TSPAN9: variants seen among roughly 807,000 people sequenced by gnomAD.
TSPAN9 encodes tetraspanin 9, also known as tetraspanin-9.
Under a neutral mutation model 31.0 loss-of-function variants are expected in TSPAN9, and 16 were observed. The ratio of observed to expected loss-of-function variants is 0.52; its 90% CI spans 0.35 to 0.78. TSPAN9 has a LOEUF of 0.78. TSPAN9 is among the 30% of genes least tolerant of loss of function. TSPAN9 has a pLI of 0.01. For missense variants in TSPAN9, 272 were observed against 312.5 expected, an observed-to-expected ratio of 0.87 and a Z score of 0.98; for synonymous variants, 145 against 121.6, an observed-to-expected ratio of 1.19 and a Z score of -1.27.
At chr12:3,239,682 A>T (rs2098395577) in intron 3 of TSPAN9, among the ~76,000 whole-genome samples, 1 of 152,170 alleles carries the variant, frequency 6.6e-6, no homozygotes, top group African/African-American at 2.4e-5. Context: ...GTCAGCACAG[A>T]CAGTGGCATT....
intron 2 of TSPAN9, among the ~76,000 whole-genome samples, chr12:3,180,226 A>G (rs1221560260): frequency 1.3e-5 from 2 of 152,078 alleles, no homozygotes; most frequent in Non-Finnish European, 2.9e-5. Context: ...TTTAAAAAAT[A>G]CTCTTCTGGG....
chr12:3,119,644 C>T (rs955820221), intron 2 of TSPAN9, among the ~76,000 whole-genome samples: 5 of 152,190 alleles, frequency 3.3e-5, no homozygotes, highest in African/African-American at 4.8e-5. Flanking sequence ...AATGCACCCC[C>T]GCTCCTCTCC....
intron 3 of TSPAN9, among the ~76,000 whole-genome samples, chr12:3,209,955 TC>T (rs1347840631): frequency 3.1e-5 from 2 of 64,642 alleles, no homozygotes; most frequent in East Asian, 4.3e-4. Flanking sequence ...TGAGACTCTG[TC>T]CCAAAAAAAA....
chr12:3,157,814 G>C (rs897823441), intron 2 of TSPAN9, among the ~76,000 whole-genome samples: 2 of 152,158 alleles, frequency 1.3e-5, no homozygotes, highest in Admixed American at 6.5e-5. Flanking sequence ...AGGCACCACC[G>C]CTGTCCAGGA....
chr12:3,222,567 G>C (rs561230194), intron 3 of TSPAN9, among the ~76,000 whole-genome samples: 2 of 152,178 alleles, frequency 1.3e-5, no homozygotes, highest in African/African-American at 4.8e-5. Flanking sequence ...AAACCCGGCT[G>C]CCTCTCTGGA....
intron 3 of TSPAN9, among the ~76,000 whole-genome samples, chr12:3,214,491 TG>T (rs2098380333): frequency 6.6e-6 from 1 of 152,072 alleles, no homozygotes; most frequent in Non-Finnish European, 1.5e-5. Flanking sequence ...GGTTCCAGGG[TG>T]GACGAACTCC....
At chr12:3,248,136 T>G (rs1056376806) in intron 3 of TSPAN9, among the ~76,000 whole-genome samples, 2 of 152,204 alleles carry the variant, frequency 1.3e-5, no homozygotes, top group Non-Finnish European at 2.9e-5. Context: ...CCTGGCAATG[T>G]CTGTCCCCTG....
At chr12:3,255,385 A>G (rs1276658643) in intron 3 of TSPAN9, among the ~76,000 whole-genome samples, 2 of 152,208 alleles carry the variant, frequency 1.3e-5, no homozygotes, top group African/African-American at 4.8e-5. Flanking sequence ...GCCCACGGCC[A>G]CATCACGTAA....
In TSPAN9 at chr12:3,248,481, T is replaced by C. The variant is rs141610261; in HGVS notation, c.64-29940T>C. Among the ~76,000 whole-genome samples, 292 of 152,290 alleles carry C rather than the reference T, an allele frequency of 1.9e-3. 2 individuals carry two copies. Among genetic ancestry groups the C allele is most frequent in the African/African-American group, 6.9e-3 (286 of 41,546 alleles). On this transcript the variant is annotated intron_variant, in intron 3 of 8. Coordinates refer to ENST00000011898, the MANE Select transcript of TSPAN9 (RefSeq NM_006675.5). ...ACTCCTGATCTCCTGCCCTCTCTTGTTCTTCTCTCTTTCCTTGACAAACCT... is the reference window on the plus strand; with the variant it reads ...ACTCCTGATCTCCTGCCCTCTCTTGCTCTTCTCTCTTTCCTTGACAAACCT...
At chr12:3,198,223 G>C (rs1425221149) in intron 2 of TSPAN9, among the ~76,000 whole-genome samples, 48 of 69,408 alleles carry the variant, frequency 6.9e-4, no homozygotes, top group African/African-American at 3.0e-3. Context: ...ACCAGCACAG[G>C]TCACCACCAG....
chr12:3,144,663 C>T (rs906557315), intron 2 of TSPAN9, among the ~76,000 whole-genome samples: 3 of 152,266 alleles, frequency 2.0e-5, no homozygotes, highest in Middle Eastern at 3.4e-3. Context: ...GCAGTGGCTC[C>T]GGGAATCACA....
At chr12:3,133,543 A>G (rs2098330766) in intron 2 of TSPAN9, among the ~76,000 whole-genome samples, 1 of 152,166 alleles carries the variant, frequency 6.6e-6, no homozygotes, top group Non-Finnish European at 1.5e-5. Flanking sequence ...CTTTCATTCC[A>G]ATGCAGTCAT....
In TSPAN9 at chr12:3,170,121, A is replaced by G. The variant is rs2098350931; in HGVS notation, c.-17-31056A>G. On this transcript the variant is annotated intron_variant, in intron 2 of 8. Coordinates refer to ENST00000011898, the MANE Select transcript of TSPAN9 (RefSeq NM_006675.5). This position sits in a 1 kb window ranked among gnomAD's most constrained non-coding sequence, Gnocchi z 4.4. ...ACGTCCTTCATCTGGGAATAATAAT[A>G]CCTGTCTCACTGGGTTGCTGTGAGG... Among the ~76,000 whole-genome samples the G allele has an allele frequency of 6.6e-6, 1 of 152,122 alleles. No individual in the cohort carries two copies.
At chr12:3,159,173 C>T (rs772059591) in intron 2 of TSPAN9, among the ~76,000 whole-genome samples, 14 of 151,462 alleles carry the variant, frequency 9.2e-5, no homozygotes, top group Non-Finnish European at 1.5e-5. Flanking sequence ...TTCTGAGCCT[C>T]GGAGGCTACG....
chr12:3,118,261 T>TTTTTTTTTTTTTG lies in TSPAN9; in HGVS notation c.-18+34554_-18+34555insGTTTTTTTTTTTT, dbSNP rs1565582029. On this transcript the variant is annotated intron_variant, in intron 2 of 8. Transcript: ENST00000011898. Reference sequence around the variant, plus strand: ...GCACCGCCCCTGCACCCGCCGTTTTTTTTTTTTTTTTTTTTTTTTGAGATG... The same window carrying TTTTTTTTTTTTTG: ...GCACCGCCCCTGCACCCGCCGTTTTTTTTTTTTTTTTTGTTTTTTTTTTTTTTTTTTTGAGATG... 1.3e-4 allele frequency among the ~76,000 whole-genome samples: 7 copies of TTTTTTTTTTTTTG among 54,118 alleles called. 2 individuals carry two copies. Among genetic ancestry groups the TTTTTTTTTTTTTG allele is most frequent in the East Asian group, 4.6e-4 (1 of 2,190 alleles). The allele number at this position is 54,118 out of a possible 152,430, so 35.5% of individuals were successfully genotyped here. A position where few individuals can be genotyped will look rare whatever the true frequency, so the allele number is the denominator to read the frequency against.
chr12:3,248,267 C>G (rs1862178701), intron 3 of TSPAN9, among the ~76,000 whole-genome samples: 1 of 152,162 alleles, frequency 6.6e-6, no homozygotes, highest in Non-Finnish European at 1.5e-5. Context: ...TGAAATTGTC[C>G]TGCCTTTTCT....
chr12:3,083,098 C>A (rs1413583764), intron 1 of TSPAN9, among the ~76,000 whole-genome samples: 3 of 152,258 alleles, frequency 2.0e-5, no homozygotes, highest in Admixed American at 6.5e-5. Context: ...GTTTCTGCTG[C>A]AGTTTTATTT....
At chr12:3,186,838 G>C (rs925604304) in intron 2 of TSPAN9, among the ~76,000 whole-genome samples, 1 of 152,180 alleles carries the variant, frequency 6.6e-6, no homozygotes, top group African/African-American at 2.4e-5. Context: ...CTGGGGAGGA[G>C]GGGGCAGGAT....
At chr12:3,109,299 T>TGTGTGTGTGTGTGTGTGTGAGAGAGA (rs1274383200) in intron 2 of TSPAN9, among the ~76,000 whole-genome samples, 18 of 118,346 alleles carry the variant, frequency 1.5e-4, no homozygotes, top group African/African-American at 7.7e-4. Flanking sequence ...TGTGTGTGTG[T>TGTGTGTGTGTGTGTGTGTGAGAGAGA]GAGAGAGAGT....
Sources: gnomAD v4.1 joint callset for allele counts (sites outside exome capture counted in the v4.1 genomes callset) on GRCh38, gnomAD v4.1.1 for gene constraint, Gnocchi (gnomAD v3.1) non-coding constraint, MANE v1.5 for transcripts, NCBI Gene and HGNC (gene_info 2026-07-23, HGNC 2026-07-21) for gene names.